The following CMTM4 variants were observed in gnomAD, a reference collection of about 807,000 sequenced individuals.
CMTM4 encodes CKLF-like MARVEL transmembrane domain-containing protein 4.
CMTM4 carries 8 observed loss-of-function variants against 19.0 expected under a neutral mutation model. The ratio of observed to expected loss-of-function variants is 0.42; its 90% confidence interval spans 0.25 to 0.76. CMTM4 has a LOEUF of 0.76. CMTM4 is among the 30% of genes least tolerant of loss of function. The pLI is 0.27. For missense variants in CMTM4, 228 were observed against 290.2 expected (o/e 0.79, Z 1.56); for synonymous variants, 106 against 121.1 (o/e 0.88, Z 0.82).
At chr16:66,683,112 T>C (rs2016945759) in intron 1 of CMTM4, among the ~76,000 whole-genome samples, 1 of 130,908 alleles carries the variant, frequency 7.6e-6, no homozygotes, top group Non-Finnish European at 1.6e-5. Flanking sequence ...AGTCTAGTTG[T>C]GTGTGTGTGT....
downstream of CMTM4, chr16:66,610,929 G>A (rs140457586): frequency 1.1e-4 from 43 of 398,520 alleles, no homozygotes; most frequent in Admixed American, 8.8e-4. The surrounding 1 kb of genome is among the most constrained non-coding windows in gnomAD (Gnocchi z 4.6). Flanking sequence ...ATCCCATCCC[G>A]TCCCTTGGCA....
intron 1 of CMTM4, among the ~76,000 whole-genome samples, chr16:66,637,538 C>T (rs1353207415): frequency 6.6e-6 from 1 of 151,924 alleles, no homozygotes; most frequent in East Asian, 1.9e-4. Flanking sequence ...GAACGAAATT[C>T]CATCTCAAAA....
rs1241232465 is a variant in CMTM4 at position 66,696,681 on chromosome 16, C to CCGGCTG, written c.-162_-157dup. On this transcript the variant is annotated 5_prime_UTR_variant, in exon 1 of 4. Coordinates refer to ENST00000394106, the MANE Select transcript of CMTM4 (RefSeq NM_181521.3). This position sits in a 1 kb window ranked among gnomAD's most constrained non-coding sequence, Gnocchi z 4.3. ...GCCGCCGCCGCCTCTCGCCCGCCGCCCGGCTGCGGCTGCGGCTCGGTCCGC... is the reference window on the plus strand; with the variant it reads ...GCCGCCGCCGCCTCTCGCCCGCCGCCCGGCTGCGGCTGCGGCTGCGGCTCGGTCCGC... 12 of 223,982 alleles carry CCGGCTG rather than the reference C, an allele frequency of 5.4e-5. No homozygotes were observed. The highest frequency in any genetic ancestry group is 2.4e-4 in the African/African-American group (10 of 42,294). The allele number at this position is 223,982 out of a possible 1,614,324, so 13.9% of individuals were successfully genotyped here. A position where few individuals can be genotyped will look rare whatever the true frequency, so the allele number is the denominator to read the frequency against.
intron 1 of CMTM4, among the ~76,000 whole-genome samples, chr16:66,668,287 G>A (rs912290404): frequency 2.3e-4 from 35 of 151,960 alleles, no homozygotes; most frequent in Middle Eastern, 3.2e-3. Context: ...GGGATTACAG[G>A]CATGAACCAC....
Position 66,621,124 on chromosome 16 carries a change from C to G in CMTM4, c.*934G>C. ...TCTTTGCAGGCATTTAGAAAATTAG[C>G]ACACATCCCTAAAATAGAGGGGTGT... On this transcript the variant is annotated 3_prime_UTR_variant, in exon 4 of 4. Transcript: ENST00000394106. 1.0e-6 allele frequency: 1 copy of G among 985,840 alleles called. No homozygotes were observed. Among genetic ancestry groups the G allele is most frequent in the Non-Finnish European group, 1.2e-6 (1 of 829,934 alleles). The allele number at this position is 985,840 out of a possible 1,614,324, so 61.1% of individuals were successfully genotyped here.
At chr16:66,612,536 C>T, downstream of CMTM4, 1 of 1,522,194 alleles carries the variant, frequency 6.6e-7, no homozygotes, top group Non-Finnish European at 9.1e-7. This position sits in a 1 kb window ranked among gnomAD's most constrained non-coding sequence, Gnocchi z 6.0. Context: ...CCCAGCTGTG[C>T]TTCCCCAGAG....
chr16:66,682,394 T>C (rs925984527), intron 1 of CMTM4, among the ~76,000 whole-genome samples: 1 of 152,044 alleles, frequency 6.6e-6, no homozygotes, highest in African/African-American at 2.4e-5. Flanking sequence ...TTTTTTTTTT[T>C]CCACTGGCAC....
intron 1 of CMTM4, among the ~76,000 whole-genome samples, chr16:66,665,263 A>T (rs1187622816): frequency 2.5e-3 from 9 of 3,650 alleles, no homozygotes; most frequent in Non-Finnish European, 0.015. Context: ...CCTGTTTCTT[A>T]AAAAAAAAAA....
At chr16:66,631,706 C>G (rs1211663902) in intron 2 of CMTM4, among the ~76,000 whole-genome samples, 1 of 152,080 alleles carries the variant, frequency 6.6e-6, no homozygotes, top group East Asian at 1.9e-4. Context: ...GCAAGATGTG[C>G]TTTGTTAAAC....
intron 1 of CMTM4, among the ~76,000 whole-genome samples, chr16:66,649,219 T>G (rs1263893240): frequency 6.6e-6 from 1 of 152,172 alleles, no homozygotes; most frequent in African/African-American, 2.4e-5. Flanking sequence ...ACCCTGTCTC[T>G]TAAAAAAAGA....
chr16:66,693,040 A>G (rs1297133492), intron 1 of CMTM4, among the ~76,000 whole-genome samples: 4 of 152,072 alleles, frequency 2.6e-5, no homozygotes, highest in East Asian at 3.9e-4. Flanking sequence ...CCTAGCCAAC[A>G]TGACGAAACC....
the CMTM4 span, among the ~76,000 whole-genome samples, chr16:66,602,638 C>T: frequency 6.6e-6 from 1 of 152,156 alleles, no homozygotes; most frequent in South Asian, 2.1e-4. Flanking sequence ...CCTCTGCCTT[C>T]TGGGTTCAAG....
chr16:66,602,557 A>G, the CMTM4 span, among the ~76,000 whole-genome samples: 3 of 151,850 alleles, frequency 2.0e-5, no homozygotes, highest in African/African-American at 7.3e-5. Context: ...TTTCTTTCAT[A>G]CAGAGTCTCA....
At chr16:66,633,555 C>T (rs1447742224) in intron 2 of CMTM4, among the ~76,000 whole-genome samples, 2 of 152,064 alleles carry the variant, frequency 1.3e-5, no homozygotes, top group African/African-American at 4.8e-5. Flanking sequence ...CAGTGGCTCA[C>T]GCCTGTAACC....
At chr16:66,693,877 C>T (rs1363575591) in intron 1 of CMTM4, among the ~76,000 whole-genome samples, 1 of 152,050 alleles carries the variant, frequency 6.6e-6, no homozygotes, top group African/African-American at 2.4e-5. Flanking sequence ...AAAAAATTAG[C>T]TGGGCATGGT....
At chr16:66,645,763 G>C (rs535658169) in intron 1 of CMTM4, among the ~76,000 whole-genome samples, 2 of 152,222 alleles carry the variant, frequency 1.3e-5, no homozygotes, top group South Asian at 4.2e-4. Flanking sequence ...TGGATCACCT[G>C]AGGTCAGGAG....
At chr16:66,649,451 T>TATCC (rs1419862704) in intron 1 of CMTM4, among the ~76,000 whole-genome samples, 4 of 118,606 alleles carry the variant, frequency 3.4e-5, no homozygotes, top group Non-Finnish European at 6.7e-5. Flanking sequence ...TCCTTCTCTC[T>TATCC]ATCTATCCAT....
chr16:66,633,905 C>T (rs1273992802), intron 2 of CMTM4, among the ~76,000 whole-genome samples: 1 of 151,914 alleles, frequency 6.6e-6, no homozygotes. Flanking sequence ...TTATCTGCTC[C>T]AAAAGAGTGG....
intron 1 of CMTM4, among the ~76,000 whole-genome samples, chr16:66,654,937 A>G (rs2016371188): frequency 6.6e-6 from 1 of 152,188 alleles, no homozygotes; most frequent in Admixed American, 6.5e-5. Context: ...ACCAAGCTCC[A>G]GTCCAGTAAA....
Sources: gnomAD v4.1 joint callset for allele counts (sites outside exome capture counted in the v4.1 genomes callset) on GRCh38, gnomAD v4.1.1 for gene constraint, Gnocchi (gnomAD v3.1) non-coding constraint, MANE v1.5 for transcripts, NCBI Gene and HGNC (gene_info 2026-07-23, HGNC 2026-07-21) for gene names.